EMC8: variants seen among roughly 807,000 people sequenced by gnomAD.
EMC8 encodes the protein COX4 neighbor.
In EMC8, 11 loss-of-function variants were observed where a neutral mutation model predicts 24.3. The ratio of observed to expected loss-of-function variants is 0.45; its 90% CI spans 0.28 to 0.75. The LOEUF (loss-of-function observed/expected upper bound fraction) is 0.75. Ranked by LOEUF, EMC8 falls within the 30% of genes least tolerant of loss-of-function variation. The pLI, the probability that EMC8 is intolerant of heterozygous loss-of-function variation, is 0.12. For missense variants in EMC8, 277 were observed against 282.7 expected (o/e 0.98, Z 0.14); for synonymous variants, 145 against 117.7 (o/e 1.23, Z -1.50).
chr16:85,783,427 G>C (rs544953805), intron 2 of EMC8, among the ~76,000 whole-genome samples: 1 of 152,316 alleles, frequency 6.6e-6, no homozygotes, highest in South Asian at 2.1e-4. Flanking sequence ...ACAAGCAGCT[G>C]GGACCACAGG....
At chr16:85,780,329 G>T in intron 4 of EMC8, 50 bp downstream of exon 4, 1 of 1,388,018 alleles carries the variant, frequency 7.2e-7, no homozygotes, top group Non-Finnish European at 1.0e-6. Flanking sequence ...CTCTCACGTG[G>T]CCGGGCGCTG....
At chr16:85,786,408 C>T (rs1904756378) in intron 2 of EMC8, among the ~76,000 whole-genome samples, 1 of 152,222 alleles carries the variant, frequency 6.6e-6, no homozygotes. Context: ...CTCCTGAGCT[C>T]CCAAGCTGTG....
intron 1 of EMC8, among the ~76,000 whole-genome samples, chr16:85,795,838 C>T (rs1905224721): frequency 6.6e-6 from 1 of 152,194 alleles, no homozygotes; most frequent in African/African-American, 2.4e-5. Context: ...GGACTTGCTG[C>T]TGAGCCCTCA....
chr16:85,782,728 T>G (rs1056142792), intron 2 of EMC8, among the ~76,000 whole-genome samples: 8 of 152,158 alleles, frequency 5.3e-5, no homozygotes, highest in African/African-American at 1.9e-4. Context: ...TCCTGACCAC[T>G]GCCTGATGGC....
chr16:85,786,858 T>G (rs1056128397), intron 2 of EMC8, among the ~76,000 whole-genome samples: 1 of 152,092 alleles, frequency 6.6e-6, no homozygotes, highest in African/African-American at 2.4e-5. Flanking sequence ...AGATGAGGCA[T>G]GCGCAGAGAG....
intron 1 of EMC8, among the ~76,000 whole-genome samples, chr16:85,794,301 C>T (rs1044485634): frequency 2.0e-5 from 3 of 152,108 alleles, no homozygotes; most frequent in African/African-American, 4.8e-5. Context: ...CAAATTTTCC[C>T]CTGTAACTTT....
At chr16:85,794,065 T>C (rs1487309906) in intron 1 of EMC8, among the ~76,000 whole-genome samples, 2 of 152,190 alleles carry the variant, frequency 1.3e-5, no homozygotes, top group Admixed American at 6.5e-5. Flanking sequence ...TAGGAAGCTC[T>C]CTGAATGGAA....
At position 85,779,608 on chromosome 16, in the gene EMC8, C is replaced by G; in HGVS notation, c.*100G>C. ...ACATGCCACTTCTTAAAACGGTCAG[C>G]TTTCCACACAGGCTACAAGATATTT... On this transcript the variant is annotated 3_prime_UTR_variant, in exon 5 of 5. Transcript: ENST00000253457. 2 of 1,297,888 alleles carry G rather than the reference C, an allele frequency of 1.5e-6. No individual in the cohort carries two copies. The highest frequency in any genetic ancestry group is 2.2e-6 in the Non-Finnish European group (2 of 916,152). The allele number at this position is 1,297,888 out of a possible 1,614,324, so 80.4% of individuals were successfully genotyped here. A position where few individuals can be genotyped will look rare whatever the true frequency, so the allele number is the denominator to read the frequency against.
intron 2 of EMC8, among the ~76,000 whole-genome samples, chr16:85,782,939 G>A (rs1274679172): frequency 6.6e-6 from 1 of 152,118 alleles, no homozygotes; most frequent in Non-Finnish European, 1.5e-5. Flanking sequence ...CTTAGGCAGG[G>A]GCTTCTAAAA....
chr16:85,787,910 G>C (rs1412013632), intron 2 of EMC8, among the ~76,000 whole-genome samples: 2 of 152,212 alleles, frequency 1.3e-5, no homozygotes, highest in Non-Finnish European at 2.9e-5. Flanking sequence ...ATCAGTGATA[G>C]CAATGCTGTC....
rs1905433965 is a variant in EMC8 at position 85,799,002 on chromosome 16, C to T, written c.231+63G>A. 1 of 1,208,814 alleles carries T rather than the reference C, an allele frequency of 8.3e-7. No individual in the cohort carries two copies. 74.9% of individuals were successfully genotyped at this position (1,208,814 alleles called of 1,614,324 possible). ...GGAGGGCGACCGCTGGGCCAGCTTC[C>T]TCTCTGCTGACTGAGGGGAGGCCAG... is the stretch of plus-strand genomic sequence containing the variant. On this transcript the variant is annotated intron_variant, in intron 1 of 4. Coordinates refer to ENST00000253457, the MANE Select transcript of EMC8 (RefSeq NM_006067.5). The surrounding 1 kb of genome is among the most constrained non-coding windows in gnomAD (Gnocchi z 4.2).
intron 1 of EMC8, among the ~76,000 whole-genome samples, chr16:85,789,718 A>G (rs1904916981): frequency 6.6e-6 from 1 of 151,840 alleles, no homozygotes; most frequent in Admixed American, 6.6e-5. Flanking sequence ...CTTGAACCCC[A>G]GAGGGGGAGG....
intron 1 of EMC8, among the ~76,000 whole-genome samples, chr16:85,794,402 G>A (rs550306654): frequency 3.9e-5 from 6 of 152,170 alleles, no homozygotes; most frequent in Non-Finnish European, 8.8e-5. Flanking sequence ...TATGAGAAAA[G>A]TCAGGGCTGA....
chr16:85,780,527 C>CGGCA, intron 3 of EMC8, 54 bp from the exon 4 acceptor site: 1 of 1,341,418 alleles, frequency 7.5e-7, no homozygotes, highest in Non-Finnish European at 1.1e-6. Flanking sequence ...CAAACAGCAG[C>CGGCA]GGCAGGCGCC....
intron 1 of EMC8, among the ~76,000 whole-genome samples, chr16:85,790,129 G>C (rs1325219513): frequency 6.6e-6 from 1 of 151,680 alleles, no homozygotes; most frequent in South Asian, 2.1e-4. Context: ...CTGCACAAGA[G>C]GAAACAAAAT....
chr16:85,793,236 C>T (rs1431730535), intron 1 of EMC8, among the ~76,000 whole-genome samples: 1 of 152,178 alleles, frequency 6.6e-6, no homozygotes, highest in Non-Finnish European at 1.5e-5. Flanking sequence ...TGTGACTGTA[C>T]AATAACCGTA....
At chr16:85,795,030 G>A (rs1439608538) in intron 1 of EMC8, among the ~76,000 whole-genome samples, 1 of 152,180 alleles carries the variant, frequency 6.6e-6, no homozygotes, top group Non-Finnish European at 1.5e-5. Flanking sequence ...CTTGAATGCA[G>A]TTGTTTATAG....
chr16:85,793,336 C>G (rs148224180), intron 1 of EMC8, among the ~76,000 whole-genome samples: 104 of 152,262 alleles, frequency 6.8e-4, no homozygotes, highest in African/African-American at 2.4e-3. Flanking sequence ...AAAAGTAGGC[C>G]TTGGAGTTCA....
intron 1 of EMC8, chr16:85,798,589 T>G (rs1905390478): frequency 6.3e-6 from 1 of 159,350 alleles, no homozygotes; most frequent in African/African-American, 2.4e-5. Flanking sequence ...TTTCTACAAG[T>G]GTCTGAGCTC....
Sources: gnomAD v4.1 joint callset for allele counts (sites outside exome capture counted in the v4.1 genomes callset) on GRCh38, gnomAD v4.1.1 for gene constraint, Gnocchi (gnomAD v3.1) non-coding constraint, MANE v1.5 for transcripts, NCBI Gene and HGNC (gene_info 2026-07-23, HGNC 2026-07-21) for gene names.